The following AMN variants were observed in gnomAD, a reference collection of about 807,000 sequenced individuals.
AMN encodes protein amnionless.
AMN carries 40 observed loss-of-function variants against 49.1 expected under a neutral mutation model. The ratio of observed to expected loss-of-function variants is 0.81; its 90% CI spans 0.63 to 1.06. The LOEUF (loss-of-function observed/expected upper bound fraction) is 1.06. Ranked by LOEUF, AMN falls within the 50% of genes least tolerant of loss-of-function variation. The probability of loss-of-function intolerance (pLI) is 0.00; values close to 1 mark genes in which losing one functional copy is unlikely to be tolerated. For missense variants in AMN, 701 were observed against 662.8 expected (o/e 1.06, Z -0.63); for synonymous variants, 380 against 313.3 (o/e 1.21, Z -2.25).
In AMN at chr14:102,929,500, GC is replaced by G; in HGVS notation, c.727del (p.Leu243SerfsTer17). ...GRCPQAACHS[A>X]LRPQGQCCDL... ...CTGCCCCCAGGCCGCCTGCCACAGC[GC>G]CCTCCGGCCCCAGGGGCAGTGCTGT... On this transcript the variant is annotated frameshift_variant, in exon 7 of 12. Transcript: ENST00000299155. LOFTEE classifies it high-confidence loss of function. The G allele has an allele frequency of 7.8e-6, 12 of 1,533,452 alleles. No individual in the cohort carries two copies. The highest frequency in any genetic ancestry group is 1.0e-5 in the Non-Finnish European group (12 of 1,145,558). 95.0% of individuals were successfully genotyped at this position (1,533,452 alleles called of 1,614,324 possible).
In AMN at chr14:102,930,627, A is replaced by G. The variant is rs2139314191; in HGVS notation, c.1309A>G (p.Ser437Gly). 1.2e-6 allele frequency: 2 copies of G among 1,601,192 alleles called. No individual in the cohort carries two copies. The highest frequency in any genetic ancestry group is 2.2e-5 in the South Asian group (2 of 89,042). The stretch of plus-strand genomic sequence containing the variant: ...TCCGAAGGCGGCCGCAGACAGCACC[A>G]GCCACAGTTACTTCGTCAACCCTCT... ...LVPKAAADST[S>G]HSYFVNPLFA... Residue 437 changes from serine (S) to glycine (G), a missense_variant, in exon 12 of 12, where the codon AGC becomes GGC. Coordinates refer to ENST00000299155, the MANE Select transcript of AMN (RefSeq NM_030943.4).
rs771099283 is a variant in AMN at position 102,928,969 on chromosome 14, G to C, written c.507G>C (p.Leu169=). Residue 169 remains leucine, a synonymous_variant, in exon 5 of 12, where the codon CTG becomes CTC. Transcript: ENST00000299155. ...SPVRVRSISA[L]GRTFTRDEDL... is the part of the protein sequence containing the mutation. Reference sequence around the variant, plus strand: ...TGCGTGTCCGCAGCATCTCGGCTCTGGGCCGGGTGAGCACTGAGGGGAGGG... The same window carrying C: ...TGCGTGTCCGCAGCATCTCGGCTCTCGGCCGGGTGAGCACTGAGGGGAGGG... 3.8e-6 allele frequency: 6 copies of C among 1,598,710 alleles called. No homozygotes were observed. Among genetic ancestry groups the C allele is most frequent in the Non-Finnish European group, 5.1e-6 (6 of 1,179,460 alleles).
intron 1 of AMN, chr14:102,923,448 G>C: frequency 2.0e-6 from 1 of 495,942 alleles, no homozygotes; most frequent in Non-Finnish European, 3.7e-6. Context: ...GCAGTGCCGG[G>C]AGGCTATCTA....
chr14:102,923,910 C>T (rs767244412), intron 2 of AMN, 25 bp from the exon 3 acceptor site: 7 of 1,612,900 alleles, frequency 4.3e-6, no homozygotes, highest in Non-Finnish European at 5.9e-6. Flanking sequence ...GCTCCCGGCT[C>T]GGCTGAGGCA....
Position 102,929,502 on chromosome 14 carries a change from C to T in AMN, c.726C>T (p.Ala242=), listed in dbSNP as rs1175943802. 3 of 1,533,784 alleles carry T rather than the reference C, an allele frequency of 2.0e-6. No homozygotes were observed. Among genetic ancestry groups the T allele is most frequent in the Non-Finnish European group, 2.6e-6 (3 of 1,145,646 alleles). The change falls in exon 7 of 12, where the codon GCC becomes GCT. Residue 242 remains alanine (A), a synonymous_variant. Coordinates refer to ENST00000299155, the MANE Select transcript of AMN (RefSeq NM_030943.4). ...GRCPQAACHS[A]LRPQGQCCDL... ...GCCCCCAGGCCGCCTGCCACAGCGC[C>T]CTCCGGCCCCAGGGGCAGTGCTGTG... is the stretch of plus-strand genomic sequence containing the variant.
intron 4 of AMN, 79 bp from the exon 5 acceptor site, chr14:102,928,679 A>C: frequency 6.5e-7 from 1 of 1,533,034 alleles, no homozygotes. Context: ...GGTCGTGCTC[A>C]GACGCGTGGC....
intron 4 of AMN, 45 bp from the exon 5 acceptor site, chr14:102,928,713 G>A: frequency 6.3e-7 from 1 of 1,581,624 alleles, no homozygotes. Context: ...GCGTGGTGTG[G>A]CGCGGCGCTT....
chr14:102,929,333 C>T (rs1891273687), intron 6 of AMN, 75 bp downstream of exon 6: 15 of 1,486,816 alleles, frequency 1.0e-5, no homozygotes, highest in Middle Eastern at 4.8e-4. Flanking sequence ...CCGCTGCGCT[C>T]CCACGGTCTC....
chr14:102,923,638 C>G, intron 1 of AMN, 73 bp from the exon 2 acceptor site: 1 of 1,363,942 alleles, frequency 7.3e-7, no homozygotes, highest in Non-Finnish European at 1.0e-6. Flanking sequence ...CCGCACTTCT[C>G]TGGGTGGGTG....
chr14:102,929,994 C>T lies in AMN; in HGVS notation c.914C>T (p.Thr305Met), dbSNP rs866436007. 25 of 1,562,516 alleles carry T rather than the reference C, an allele frequency of 1.6e-5. No individual in the cohort carries two copies. Among genetic ancestry groups the T allele is most frequent in the South Asian group, 2.4e-5 (2 of 84,800 alleles). ...PRSSRLREAD[T>M]EIQVVLVENG... ...TCGTCCCGGCTCCGTGAGGCCGATA[C>T]GGAGATCCAGGTGGTGCTGGTGGAG... The change falls in exon 9 of 12, where the codon ACG becomes ATG. Residue 305 changes from threonine to methionine, a missense_variant. Physicochemically the swap from Thr to Met is moderately conservative, Grantham distance 81 (BLOSUM62 -1). Transcript: ENST00000299155.
In AMN at chr14:102,923,710, G is replaced by C; in HGVS notation, c.44-1G>C. 6.2e-7 allele frequency: 1 copy of C among 1,612,138 alleles called. No homozygotes were observed. The highest frequency in any genetic ancestry group is 8.5e-7 in the Non-Finnish European group (1 of 1,179,302). ...CGGGCACTCAGTCGCCTCCTCCCCA[G>C]CACTGACCCAGGCGGTCTCCAAACT... On this transcript the variant is annotated splice_acceptor_variant, in intron 1 of 11. Coordinates refer to ENST00000299155, the MANE Select transcript of AMN (RefSeq NM_030943.4). LOFTEE classifies it high-confidence loss of function.
chr14:102,923,870 C>T (rs1891125594), intron 2 of AMN, 41 bp downstream of exon 2: 29 of 1,612,622 alleles, frequency 1.8e-5, no homozygotes, highest in Non-Finnish European at 2.5e-5. Flanking sequence ...GGGCCTGGAC[C>T]CCTGAGACCG....
At chr14:102,923,217 A>G in intron 1 of AMN, 1 of 249,886 alleles carries the variant, frequency 4.0e-6, no homozygotes, top group East Asian at 1.1e-4. Flanking sequence ...CACCACATTC[A>G]GGGCCGGCCT....
In AMN at chr14:102,928,942, C is replaced by A. The variant is rs1260149688; in HGVS notation, c.480C>A (p.Pro160=). Residue 160 remains proline (P), a synonymous_variant, in exon 5 of 12, where the codon CCC becomes CCA. Coordinates refer to ENST00000299155, the MANE Select transcript of AMN (RefSeq NM_030943.4). ...FRVGLGPGAS[P]VRVRSISALG... Reference sequence around the variant, plus strand: ...TGGGGCTCGGCCCTGGCGCTAGCCCCGTGCGTGTCCGCAGCATCTCGGCTC... The same window carrying A: ...TGGGGCTCGGCCCTGGCGCTAGCCCAGTGCGTGTCCGCAGCATCTCGGCTC... 18 of 1,600,104 alleles carry A rather than the reference C, an allele frequency of 1.1e-5. No individual in the cohort carries two copies. The highest frequency in any genetic ancestry group is 1.4e-5 in the Non-Finnish European group (17 of 1,179,626).
In AMN at chr14:102,930,677, C is replaced by T. The variant is rs1566829863; in HGVS notation, c.1359C>T (p.Ala453=). Residue 453 remains alanine, a synonymous_variant, in exon 12 of 12, where the codon GCC becomes GCT. Coordinates refer to ENST00000299155, the MANE Select transcript of AMN (RefSeq NM_030943.4). ...TGTTCGCCGGGGCCGAGGCCGAGGCCTGAGCGGCCGCCTGACCGTCGACCT... is the reference window on the plus strand; with the variant it reads ...TGTTCGCCGGGGCCGAGGCCGAGGCTTGAGCGGCCGCCTGACCGTCGACCT... ...NPLFAGAEAE[A] 2 of 1,583,432 alleles carry T rather than the reference C, an allele frequency of 1.3e-6. No homozygotes were observed. The highest frequency in any genetic ancestry group is 8.6e-7 in the Non-Finnish European group (1 of 1,166,326).
At chr14:102,927,568 G>C (rs1891215721) in intron 3 of AMN, among the ~76,000 whole-genome samples, 1 of 152,228 alleles carries the variant, frequency 6.6e-6, no homozygotes. Flanking sequence ...CGCTGGGGGT[G>C]TTGGCCTCTT....
At chr14:102,923,890 G>A (rs777014561) in intron 2 of AMN, 45 bp from the exon 3 acceptor site, 54 of 1,612,868 alleles carry the variant, frequency 3.3e-5, no homozygotes, top group Non-Finnish European at 4.2e-5. Flanking sequence ...GTGTGGCCCC[G>A]GTGGGGGTTG....
intron 1 of AMN, 35 bp downstream of exon 1, chr14:102,922,766 G>A (rs1480977887): frequency 2.6e-6 from 4 of 1,561,774 alleles, no homozygotes; most frequent in East Asian, 2.3e-5. Flanking sequence ...GGCCCGGACG[G>A]TAGCGGTCTG....
intron 3 of AMN, among the ~76,000 whole-genome samples, chr14:102,927,562 G>A (rs1454143590): frequency 1.3e-5 from 2 of 152,188 alleles, no homozygotes; most frequent in Non-Finnish European, 2.9e-5. Flanking sequence ...TCACGTCGCT[G>A]GGGGTGTTGG....
Sources: gnomAD v4.1 joint callset for allele counts (sites outside exome capture counted in the v4.1 genomes callset) on GRCh38, gnomAD v4.1.1 for gene constraint, MANE v1.5 for transcripts, NCBI Gene and HGNC (gene_info 2026-07-23, HGNC 2026-07-21) for gene names.